SLC8A1: variants seen among roughly 807,000 people sequenced by gnomAD.
The protein encoded by SLC8A1 is solute carrier family 8 member A1, also known as sodium/calcium exchanger 1.
SLC8A1 carries 18 observed loss-of-function variants against 68.3 expected under a neutral mutation model. The observed-to-expected ratio is 0.26, with a 90% CI of 0.18 to 0.39. SLC8A1 has a LOEUF of 0.39. SLC8A1 is among the 10% of genes least tolerant of loss of function. The pLI is 1.00. For missense variants in SLC8A1, 985 were observed against 1,156.7 expected, an observed-to-expected ratio of 0.85 and a Z score of 2.15; for synonymous variants, 475 against 415.5, an observed-to-expected ratio of 1.14 and a Z score of -1.74.
intron 2 of SLC8A1, among the ~76,000 whole-genome samples, chr2:40,388,868 G>C (rs1237811760): frequency 6.6e-6 from 1 of 152,048 alleles, no homozygotes; most frequent in Non-Finnish European, 1.5e-5. Context: ...CTATTAAATA[G>C]GAATAAAATC....
At position 40,278,600 on chromosome 2, in the gene SLC8A1, T is replaced by C. The variant is rs115432585; in HGVS notation, c.1809-100745A>G. On this transcript the variant is annotated intron_variant, in intron 2 of 7. Transcript: ENST00000406785. ...GCAAATAAAAGGATCTAATGCCAAA[T>C]GTGGGCAAAGCGACATACCTCAGTG... 3.6e-3 allele frequency among the ~76,000 whole-genome samples: 546 copies of C among 152,292 alleles called. 4 individuals are homozygous for C. Among genetic ancestry groups the C allele is most frequent in the African/African-American group, 0.012 (506 of 41,550 alleles).
At chr2:40,197,116 G>A (rs1205714464) in intron 2 of SLC8A1, among the ~76,000 whole-genome samples, 1 of 152,024 alleles carries the variant, frequency 6.6e-6, no homozygotes, top group Non-Finnish European at 1.5e-5. Flanking sequence ...TGTTACTGTA[G>A]AATTGGACCA....
exon 8 of SLC8A1, chr2:40,110,250 C>A (rs2034477454): frequency 6.6e-6 from 1 of 152,154 alleles, no homozygotes; most frequent in South Asian, 2.1e-4. Context: ...AAGCTCCCAA[C>A]ATGAAATATC....
At chr2:40,441,989 T>C (rs1013103669) in intron 1 of SLC8A1, among the ~76,000 whole-genome samples, 10 of 140,440 alleles carry the variant, frequency 7.1e-5, no homozygotes, top group African/African-American at 2.7e-4. Flanking sequence ...CAGTCTATCA[T>C]TGTTGGACAT....
At chr2:40,194,700 G>C (rs1192697866) in intron 2 of SLC8A1, among the ~76,000 whole-genome samples, 1 of 152,076 alleles carries the variant, frequency 6.6e-6, no homozygotes, top group Non-Finnish European at 1.5e-5. Flanking sequence ...GATAGGAGCA[G>C]TGAGAGGTTG....
intron 2 of SLC8A1, among the ~76,000 whole-genome samples, chr2:40,424,258 A>T (rs115954834): frequency 0.018 from 2,769 of 151,620 alleles, 82 homozygotes; most frequent in African/African-American, 0.064. Flanking sequence ...TAATATCTTC[A>T]TTTCACCTTG....
At chr2:40,366,080 A>T (rs1676103913) in intron 2 of SLC8A1, among the ~76,000 whole-genome samples, 1 of 151,988 alleles carries the variant, frequency 6.6e-6, no homozygotes, top group Non-Finnish European at 1.5e-5. Flanking sequence ...GTACATTATG[A>T]GCTACCTGAA....
chr2:40,206,240 T>C (rs905734126), intron 2 of SLC8A1, among the ~76,000 whole-genome samples: 1 of 152,088 alleles, frequency 6.6e-6, no homozygotes, highest in Non-Finnish European at 1.5e-5. Flanking sequence ...ATCAGAACTG[T>C]GGACAATTAT....
intron 1 of SLC8A1, among the ~76,000 whole-genome samples, chr2:40,463,139 G>C (rs537292125): frequency 3.9e-5 from 6 of 152,298 alleles, no homozygotes; most frequent in African/African-American, 1.4e-4. Context: ...TTTTCTAAGA[G>C]AGAGAGCTAA....
At chr2:40,427,597 A>AG (rs1697221515) in intron 2 of SLC8A1, among the ~76,000 whole-genome samples, 1 of 152,010 alleles carries the variant, frequency 6.6e-6, no homozygotes, top group Admixed American at 6.6e-5. Flanking sequence ...TCCTAGGCAA[A>AG]GGGGGAACAG....
At chr2:40,374,686 C>T (rs79525933) in intron 2 of SLC8A1, among the ~76,000 whole-genome samples, 4,052 of 151,994 alleles carry the variant, frequency 0.027, 81 homozygotes, top group Non-Finnish European at 0.039. Flanking sequence ...ACTTTCCCAG[C>T]CTGGCCTGAC....
At chr2:40,322,002 C>G (rs1397541516) in intron 2 of SLC8A1, among the ~76,000 whole-genome samples, 2 of 152,124 alleles carry the variant, frequency 1.3e-5, no homozygotes. Context: ...AATCTCTAAG[C>G]AAATGGAAAG....
chr2:40,194,890 G>A (rs946938551), intron 2 of SLC8A1, among the ~76,000 whole-genome samples: 1 of 151,994 alleles, frequency 6.6e-6, no homozygotes, highest in Non-Finnish European at 1.5e-5. Context: ...CACCAAAGAT[G>A]GAAGGTCCAT....
chr2:40,418,685 G>C (rs73926212), intron 2 of SLC8A1, among the ~76,000 whole-genome samples: 3 of 152,114 alleles, frequency 2.0e-5, no homozygotes, highest in African/African-American at 4.8e-5. Flanking sequence ...CGAAGTAGAA[G>C]ACAAAACTCT....
chr2:40,360,229 A>G (rs1169992223), intron 2 of SLC8A1, among the ~76,000 whole-genome samples: 1 of 152,168 alleles, frequency 6.6e-6, no homozygotes, highest in East Asian at 1.9e-4. Context: ...TGTCCAGCAT[A>G]TGCTAGGCAC....
Position 40,138,550 on chromosome 2 carries a change from T to C in SLC8A1, c.2437+851A>G, listed in dbSNP as rs140943306. ...TTAGTGCTGGAGACTAGATCCAGAG[T>C]TTCAGTTACAATAAGCTCTGGTGTG... On this transcript the variant is annotated intron_variant, in intron 7 of 7. Transcript: ENST00000406785. Among the ~76,000 whole-genome samples, 162 of 152,106 alleles carry C rather than the reference T, an allele frequency of 1.1e-3. 1 individual carries two copies. The highest frequency in any genetic ancestry group is 2.5e-3 in the East Asian group (13 of 5,180).
intron 1 of SLC8A1, among the ~76,000 whole-genome samples, chr2:40,463,134 TAAGA>T (rs1703442205): frequency 6.6e-6 from 1 of 152,172 alleles, no homozygotes; most frequent in African/African-American, 2.4e-5. Context: ...AGACGTTTTC[TAAGA>T]GAGAGAGCTA....
At chr2:40,227,166 C>T (rs573179235) in intron 2 of SLC8A1, among the ~76,000 whole-genome samples, 1 of 152,176 alleles carries the variant, frequency 6.6e-6, no homozygotes, top group South Asian at 2.1e-4. Context: ...ATTTAAAATT[C>T]AACATTTAAG....
chr2:40,394,450 T>TGTGTGC lies in SLC8A1; in HGVS notation c.1808+34017_1808+34022dup, dbSNP rs554573301. ...TTTGTGGTTTTTCTGTTAGTGTGTG[T>TGTGTGC]GTGTGCGTGTGTGTGTGGTGTGTGA... On this transcript the variant is annotated intron_variant, in intron 2 of 7. Coordinates refer to ENST00000406785, the Ensembl canonical transcript of SLC8A1. Among the ~76,000 whole-genome samples, 79 of 152,042 alleles carry TGTGTGC rather than the reference T, an allele frequency of 5.2e-4. No homozygotes were observed. The South Asian group carries it at 5.6e-3, about 11-fold the overall frequency.
Sources: gnomAD v4.1 joint callset for allele counts (sites outside exome capture counted in the v4.1 genomes callset) on GRCh38, gnomAD v4.1.1 for gene constraint, MANE v1.5 for transcripts, NCBI Gene and HGNC (gene_info 2026-07-23, HGNC 2026-07-21) for gene names.